Variants in U2SURP observed in about 807,000 individuals in gnomAD.
U2SURP encodes the protein U2 snRNP associated SURP domain containing, also known as U2 snRNP-associated SURP motif-containing protein.
A neutral mutation model predicts 144.9 loss-of-function variants in U2SURP; 9 were observed. The observed-to-expected ratio is 0.06, with a 90% CI of 0.04 to 0.11. The LOEUF (loss-of-function observed/expected upper bound fraction) is 0.11, where lower values mean the gene tolerates loss of function less well. Ranked by LOEUF, U2SURP falls within the 10% of genes least tolerant of loss-of-function variation. The pLI is 1.00. For synonymous variants in U2SURP, 408 were observed against 396.8 expected, an observed-to-expected ratio of 1.03 and a Z score of -0.33; for missense variants, 724 against 1,226.7, an observed-to-expected ratio of 0.59 and a Z score of 6.12.
intron 25 of U2SURP, among the ~76,000 whole-genome samples, chr3:143,051,862 G>T (rs1368510092): frequency 6.6e-6 from 1 of 152,094 alleles, no homozygotes; most frequent in East Asian, 1.9e-4. Context: ...AATTTTGTAA[G>T]ATTATGAGTT....
intron 20 of U2SURP, 122 bp from the exon 21 acceptor site, chr3:143,037,057 C>T: frequency 5.6e-6 from 5 of 895,186 alleles, no homozygotes; most frequent in Non-Finnish European, 8.3e-6. Context: ...TATGTTCTTA[C>T]ATTGTACCTC....
intron 16 of U2SURP, among the ~76,000 whole-genome samples, chr3:143,030,424 CAG>C (rs1255300107): frequency 6.6e-6 from 1 of 152,202 alleles, no homozygotes; most frequent in Non-Finnish European, 1.5e-5. Context: ...TATCTGTTTA[CAG>C]CATGGTTTAC....
Position 143,034,937 on chromosome 3 carries a change from C to A in U2SURP, c.1903C>A (p.Arg635Ser). The A allele has an allele frequency of 6.3e-7, 1 of 1,590,060 alleles. No homozygotes were observed. The highest frequency in any genetic ancestry group is 8.6e-7 in the Non-Finnish European group (1 of 1,168,252). ...ATTTTCAGACCTCAATGCCACCTAT[C>A]GTACAATTCAAGGCCATTTACAATC... is the stretch of plus-strand genomic sequence containing the variant. The part of the protein sequence containing the change: ...QIFSDLNATY[R>S]TIQGHLQSEN... Residue 635 changes from arginine to serine, a missense_variant, in exon 19 of 28, where the codon CGT (arginine) becomes AGT (serine). Coordinates refer to ENST00000473835, the MANE Select transcript of U2SURP (RefSeq NM_001080415.2).
intron 24 of U2SURP, among the ~76,000 whole-genome samples, chr3:143,045,017 C>T (rs1934346889): frequency 6.6e-6 from 1 of 152,152 alleles, no homozygotes; most frequent in South Asian, 2.1e-4. Flanking sequence ...AGTGAACACA[C>T]TCACCTGTGC....
intron 3 of U2SURP, among the ~76,000 whole-genome samples, chr3:143,012,875 A>G (rs1203479561): frequency 6.6e-6 from 1 of 152,160 alleles, no homozygotes; most frequent in Admixed American, 6.6e-5. Context: ...TTCTATGTCA[A>G]GTAATATTTT....
chr3:143,055,201 C>A, intron 27 of U2SURP, 82 bp downstream of exon 27: 2 of 1,272,732 alleles, frequency 1.6e-6, no homozygotes, highest in Non-Finnish European at 2.1e-6. Flanking sequence ...ATTTGGTTGG[C>A]ATACATTTTT....
intron 13 of U2SURP, chr3:143,024,515 A>G: frequency 2.3e-6 from 1 of 439,610 alleles, no homozygotes; most frequent in South Asian, 1.7e-5. Context: ...TGAACACTGG[A>G]CATACTAGAA....
At chr3:143,025,507 C>T (rs948484085) in intron 13 of U2SURP, among the ~76,000 whole-genome samples, 1 of 152,076 alleles carries the variant, frequency 6.6e-6, no homozygotes, top group Non-Finnish European at 1.5e-5. Context: ...CATAAAATTT[C>T]CCTTAGCTTT....
intron 24 of U2SURP, among the ~76,000 whole-genome samples, chr3:143,046,296 T>A (rs1318303599): frequency 3.6e-5 from 2 of 55,954 alleles, no homozygotes; most frequent in Non-Finnish European, 6.1e-5. Flanking sequence ...GTTTATTTTT[T>A]ATTTTTTTTT....
In U2SURP at chr3:143,052,697, G is replaced by A. The variant is rs570116134; in HGVS notation, c.2656-979G>A. On this transcript the variant is annotated intron_variant, in intron 25 of 27. Coordinates refer to ENST00000473835, the MANE Select transcript of U2SURP (RefSeq NM_001080415.2). ...GCCCACAAAGCAGAGAGCATTTACT[G>A]TCTGGCTCTGTACAAAAAGTGTTTG... 3.9e-5 allele frequency among the ~76,000 whole-genome samples: 6 copies of A among 152,310 alleles called. No homozygotes were observed. The South Asian group carries it at 1.2e-3, about 32-fold the overall frequency.
intron 2 of U2SURP, 60 bp from the exon 3 acceptor site, chr3:143,012,162 A>G: frequency 1.9e-6 from 3 of 1,561,822 alleles, no homozygotes; most frequent in South Asian, 1.2e-5. Flanking sequence ...CCTAGTTTTC[A>G]GTGCTATATA....
chr3:143,015,253 C>G lies in U2SURP; in HGVS notation c.321+844C>G, dbSNP rs113253786. ...TTTTTCTTGTGTTTGTTTCTGTGAA[C>G]TGTCTGCTCATATCTGAACCATTTT... is the stretch of plus-strand genomic sequence containing the variant. On this transcript the variant is annotated intron_variant, in intron 4 of 27. Transcript: ENST00000473835. Among the ~76,000 whole-genome samples the G allele has an allele frequency of 1.7e-3, 258 of 152,206 alleles. 1 individual carries two copies. Among genetic ancestry groups the G allele is most frequent in the African/African-American group, 6.0e-3 (248 of 41,566 alleles).
At chr3:143,020,567 T>C (rs765083850) in intron 7 of U2SURP, 32 bp from the exon 8 acceptor site, 40 of 1,542,304 alleles carry the variant, frequency 2.6e-5, no homozygotes, top group Non-Finnish European at 3.5e-5. Context: ...AAATTTTGGC[T>C]CATTATAAGT....
chr3:143,030,849 C>T (rs1380740767), intron 16 of U2SURP, among the ~76,000 whole-genome samples: 3 of 152,054 alleles, frequency 2.0e-5, no homozygotes, highest in Admixed American at 1.3e-4. Flanking sequence ...AGTTCAAGAC[C>T]AGCCTGAGCA....
In U2SURP at chr3:143,002,380, G is replaced by A. The variant is rs1257627645; in HGVS notation, c.45+707G>A. The A allele has an allele frequency of 2.0e-5, 3 of 152,372 alleles. No homozygotes were observed. The East Asian group carries it at 5.8e-4, about 29-fold the overall frequency. 9.4% of individuals were successfully genotyped at this position (152,372 alleles called of 1,614,324 possible). A position where few individuals can be genotyped will look rare whatever the true frequency, so the allele number is the denominator to read the frequency against. ...TAGACTTGTAAGCTACATACGATTAGTAAATTGCATTTGTGTTTACAGGGA... is the reference window on the plus strand; with the variant it reads ...TAGACTTGTAAGCTACATACGATTAATAAATTGCATTTGTGTTTACAGGGA... On this transcript the variant is annotated intron_variant, in intron 1 of 27. Transcript: ENST00000473835.
At chr3:143,002,352 C>T (rs1053032985) in intron 1 of U2SURP, 1 of 152,260 alleles carries the variant, frequency 6.6e-6, no homozygotes, top group Non-Finnish European at 1.5e-5. Flanking sequence ...AAGAGAAGCT[C>T]CGTAGACTTG....
intron 16 of U2SURP, among the ~76,000 whole-genome samples, chr3:143,032,135 C>T (rs551480514): frequency 2.6e-4 from 39 of 151,908 alleles, no homozygotes; most frequent in South Asian, 8.3e-4. Flanking sequence ...TGCAGTGGCA[C>T]GATCTTGGCT....
Position 143,037,286 on chromosome 3 carries a change from T to A in U2SURP, c.2172T>A (p.Leu724=), listed in dbSNP as rs769420788. The part of the protein sequence containing the change: ...IPIDATPIDD[L]DGVPIKSLDD... ...TTGATGCTACTCCCATCGATGATCTTGATGGAGTCCCTATAAAAAGTCTTG... is the reference window on the plus strand; with the variant it reads ...TTGATGCTACTCCCATCGATGATCTAGATGGAGTCCCTATAAAAAGTCTTG... The change falls in exon 21 of 28, where the codon CTT becomes CTA. Residue 724 remains leucine, a synonymous_variant. Transcript: ENST00000473835. 1.2e-6 allele frequency: 2 copies of A among 1,612,674 alleles called. No homozygotes were observed. The highest frequency in any genetic ancestry group is 2.2e-5 in the South Asian group (2 of 90,824).
chr3:143,034,570 G>A (rs1255856758), intron 18 of U2SURP: 1 of 170,454 alleles, frequency 5.9e-6, no homozygotes, highest in Non-Finnish European at 1.2e-5. Flanking sequence ...CCTTGGACGA[G>A]TCACTTTTCT....
Sources: gnomAD v4.1 joint callset for allele counts (sites outside exome capture counted in the v4.1 genomes callset) on GRCh38, gnomAD v4.1.1 for gene constraint, MANE v1.5 for transcripts, NCBI Gene and HGNC (gene_info 2026-07-23, HGNC 2026-07-21) for gene names.